The following MMP24 variants were observed in gnomAD, a reference collection of about 807,000 sequenced individuals.
MMP24 encodes matrix metalloproteinase-24.
A neutral mutation model predicts 62.8 loss-of-function variants in MMP24; 25 were observed. That is an observed-to-expected ratio of 0.40 (90% CI 0.29 to 0.56). The LOEUF (loss-of-function observed/expected upper bound fraction) is 0.56, where lower values mean the gene tolerates loss of function less well. Ranked by LOEUF, MMP24 falls within the 20% of genes least tolerant of loss-of-function variation. The pLI is 0.50. For missense variants in MMP24, 634 were observed against 853.6 expected (o/e 0.74, Z 3.21); for synonymous variants, 319 against 350.5 (o/e 0.91, Z 1.00).
chr20:35,226,982 C>T lies in MMP24; in HGVS notation c.244C>T (p.Gln82Ter). 1 of 980,082 alleles carries T rather than the reference C, an allele frequency of 1.0e-6. No homozygotes were observed. The highest frequency in any genetic ancestry group is 1.2e-6 in the Non-Finnish European group (1 of 827,964). The allele number at this position is 980,082 out of a possible 1,614,324, so 60.7% of individuals were successfully genotyped here. The change falls in exon 1 of 9, where the codon CAG (glutamine) becomes TAG (stop). Residue 82 changes from glutamine to a stop codon, truncating the protein, a stop_gained and splice_region_variant. Coordinates refer to ENST00000246186, the MANE Select transcript of MMP24 (RefSeq NM_006690.4). LOFTEE classifies it high-confidence loss of function. ...CGAGGCGGAGGCGCCCTTCGCCGGG[C>T]AGGTGGGGCTGGCGCGCGGGGCCGG... Reference protein sequence around the residue: ...ADEAEAPFAGQNWLKSYGYLL... With the variant: ...ADEAEAPFAG
Position 35,275,753 on chromosome 20 carries a change from C to T in MMP24, c.*1144C>T, listed in dbSNP as rs563272675. The T allele has an allele frequency of 1.7e-5, 6 of 348,842 alleles. No homozygotes were observed. The Admixed American group carries it at 1.9e-4, about 11-fold the overall frequency. 21.6% of individuals were successfully genotyped at this position (348,842 alleles called of 1,614,324 possible). A position where few individuals can be genotyped will look rare whatever the true frequency, so the allele number is the denominator to read the frequency against. ...CTACTCTGAGGCCGACTCAATCTCT[C>T]GGCTGGAAGCAGTGTTTTCCCAGAG... On this transcript the variant is annotated 3_prime_UTR_variant, in exon 9 of 9. Transcript: ENST00000246186.
At chr20:35,257,913 T>G (rs569010009) in intron 4 of MMP24, among the ~76,000 whole-genome samples, 2 of 152,350 alleles carry the variant, frequency 1.3e-5, no homozygotes, top group East Asian at 3.9e-4. Context: ...AAGGCAGGTT[T>G]TGGGTGAGAG....
At chr20:35,264,767 C>T (rs1197150355) in intron 5 of MMP24, among the ~76,000 whole-genome samples, 1 of 141,312 alleles carries the variant, frequency 7.1e-6, no homozygotes, top group Non-Finnish European at 1.5e-5. Flanking sequence ...TGAGAAGCTA[C>T]TGCTATCTAG....
At chr20:35,253,872 T>TC in intron 3 of MMP24, among the ~76,000 whole-genome samples, 1 of 150,236 alleles carries the variant, frequency 6.7e-6, no homozygotes, top group East Asian at 1.9e-4. Flanking sequence ...CTTTGGGTTT[T>TC]TTTTTTTTTT....
At chr20:35,252,068 C>A (rs112824956) in intron 3 of MMP24, 47 bp downstream of exon 3, 2 of 1,461,734 alleles carry the variant, frequency 1.4e-6, no homozygotes, top group African/African-American at 2.8e-5. Context: ...TCCACCCTCA[C>A]TCTGTTTTTC....
intron 1 of MMP24, among the ~76,000 whole-genome samples, chr20:35,243,717 A>G (rs1433813776): frequency 6.6e-6 from 1 of 152,220 alleles, no homozygotes; most frequent in Non-Finnish European, 1.5e-5. Context: ...AAGAGGAAGA[A>G]AATAACTTAG....
Position 35,263,783 on chromosome 20 carries a change from C to T in MMP24, c.818-8C>T. The T allele has an allele frequency of 6.5e-7, 1 of 1,538,416 alleles. No individual in the cohort carries two copies. The highest frequency in any genetic ancestry group is 8.8e-7 in the Non-Finnish European group (1 of 1,141,420). On this transcript the variant is annotated splice_polypyrimidine_tract_variant and splice_region_variant and intron_variant, in intron 4 of 8. Transcript: ENST00000246186. The stretch of plus-strand genomic sequence containing the variant: ...GCCCTGGGCACCTCCCCACACTCCT[C>T]TCCACAGGGAACGACCTCTTCCTGG...
chr20:35,265,207 C>T (rs1037860297), intron 5 of MMP24, among the ~76,000 whole-genome samples: 11 of 152,096 alleles, frequency 7.2e-5, no homozygotes, highest in African/African-American at 2.7e-4. Flanking sequence ...GGCTGGAGGC[C>T]GAGGCGGGCG....
chr20:35,274,551 A>G lies in MMP24; in HGVS notation c.1880A>G (p.Asn627Ser), dbSNP rs778731901. Residue 627 changes from asparagine (N) to serine (S), a missense_variant, in exon 9 of 9, where the codon AAC becomes AGC. By Grantham distance (46) the Asn-to-Ser change is conservative. Coordinates refer to ENST00000246186, the MANE Select transcript of MMP24 (RefSeq NM_006690.4). The surrounding 1 kb of genome is among the most constrained non-coding windows in gnomAD (Gnocchi z 5.1). ...VLVYTIFQFKNKTGPQPVTYY... is the reference protein window; with the variant it reads ...VLVYTIFQFKSKTGPQPVTYY... ...GTCTACACCATCTTCCAGTTCAAGA[A>G]CAAGACAGGCCCTCAGCCTGTCACC... The G allele has an allele frequency of 1.2e-6, 2 of 1,613,992 alleles. No homozygotes were observed. Among genetic ancestry groups the G allele is most frequent in the South Asian group, 2.2e-5 (2 of 91,086 alleles).
At chr20:35,236,699 T>C (rs2060465010) in intron 1 of MMP24, among the ~76,000 whole-genome samples, 1 of 151,990 alleles carries the variant, frequency 6.6e-6, no homozygotes, top group Non-Finnish European at 1.5e-5. Context: ...AAGGGCTGGG[T>C]GAGGTGGCTC....
At chr20:35,229,367 C>G (rs1322421528) in intron 1 of MMP24, among the ~76,000 whole-genome samples, 1 of 152,128 alleles carries the variant, frequency 6.6e-6, no homozygotes, top group Non-Finnish European at 1.5e-5. Context: ...TCTCTTGGGG[C>G]CCCCTGCACT....
intron 1 of MMP24, among the ~76,000 whole-genome samples, chr20:35,244,989 A>G (rs895898594): frequency 1.3e-5 from 2 of 152,026 alleles, no homozygotes; most frequent in African/African-American, 4.8e-5. Context: ...TTTCAGAAAC[A>G]TTTTCGAGAA....
chr20:35,243,836 T>C (rs1211754734), intron 1 of MMP24, among the ~76,000 whole-genome samples: 1 of 152,230 alleles, frequency 6.6e-6, no homozygotes, highest in Non-Finnish European at 1.5e-5. Flanking sequence ...GGAAAAAACA[T>C]GTATTAATAC....
At chr20:35,254,422 G>A (rs2060564288) in intron 3 of MMP24, 28 bp from the exon 4 acceptor site, 1 of 1,584,530 alleles carries the variant, frequency 6.3e-7, no homozygotes, top group Non-Finnish European at 8.6e-7. Context: ...CTCTGATCTT[G>A]CCTAATGATC....
chr20:35,276,090 C>G lies in MMP24; in HGVS notation c.*1481C>G. On this transcript the variant is annotated 3_prime_UTR_variant, in exon 9 of 9. Coordinates refer to ENST00000246186, the MANE Select transcript of MMP24 (RefSeq NM_006690.4). ...GCTGGCCGGGTCTCGGATGCCACCC[C>G]TGCTCACTGAGCCTGCATGGGCCTT... 1 of 398,768 alleles carries G rather than the reference C, an allele frequency of 2.5e-6. No homozygotes were observed. The highest frequency in any genetic ancestry group is 4.4e-6 in the Non-Finnish European group (1 of 226,162). 24.7% of individuals were successfully genotyped at this position (398,768 alleles called of 1,614,324 possible). A position where few individuals can be genotyped will look rare whatever the true frequency, so the allele number is the denominator to read the frequency against.
chr20:35,270,311 G>C (rs898857028), intron 7 of MMP24, among the ~76,000 whole-genome samples: 37 of 152,372 alleles, frequency 2.4e-4, no homozygotes, highest in African/African-American at 7.9e-4. Context: ...ACTCGGGCCA[G>C]ACCTCAGATG....
rs11335936 is a variant in MMP24 at position 35,261,795 on chromosome 20, C to CTTT, written c.818-1975_818-1973dup. Among the ~76,000 whole-genome samples the CTTT allele has an allele frequency of 4.5e-3, 397 of 88,988 alleles. 6 individuals carry two copies. Among genetic ancestry groups the CTTT allele is most frequent in the East Asian group, 0.018 (56 of 3,192 alleles). The allele number at this position is 88,988 out of a possible 152,430, so 58.4% of individuals were successfully genotyped here. A position where few individuals can be genotyped will look rare whatever the true frequency, so the allele number is the denominator to read the frequency against. On this transcript the variant is annotated intron_variant, in intron 4 of 8. Coordinates refer to ENST00000246186, the MANE Select transcript of MMP24 (RefSeq NM_006690.4). ...CTCCCTCCCTCCACCTCAGGGCATC[C>CTTT]TTTTTTTTTTTTTTTTTTTTTTTGA...
At chr20:35,234,942 A>C (rs996608108) in intron 1 of MMP24, among the ~76,000 whole-genome samples, 1 of 152,244 alleles carries the variant, frequency 6.6e-6, no homozygotes, top group Non-Finnish European at 1.5e-5. Flanking sequence ...GTGCATTGGC[A>C]TCACATTGTA....
rs376273351 is a variant in MMP24, at chr20:35,271,591, G to T, written c.1356G>T (p.Lys452Asn). The T allele has an allele frequency of 2.5e-5, 40 of 1,612,924 alleles. No individual in the cohort carries two copies. In the African/African-American group the frequency reaches 4.8e-4, roughly 19 times the overall value. The change falls in exon 8 of 9, where the codon AAG becomes AAT. Residue 452 changes from lysine (K) to asparagine (N), a missense_variant. Lys to Asn is a moderately conservative substitution (Grantham distance 94). This residue lies in a region of MMP24 where 399 missense variants were observed against 530.8 expected (regional missense o/e 0.75). Transcript: ENST00000246186. This position sits in a 1 kb window ranked among gnomAD's most constrained non-coding sequence, Gnocchi z 4.0. The stretch of plus-strand genomic sequence containing the variant: ...CAGGTGACAAGTATTGGGTGTTTAA[G>T]GAGGTGACGGTGGAGCCTGGGTACC... ...FFKGDKYWVF[K>N]EVTVEPGYPH...
Sources: allele counts gnomAD v4.1 joint callset (sites outside exome capture counted in the v4.1 genomes callset), GRCh38; gene constraint gnomAD v4.1.1; regional missense constraint gnomAD v4.1.1; non-coding constraint Gnocchi (gnomAD v3.1); transcripts MANE v1.5; gene names NCBI Gene and HGNC (gene_info 2026-07-23, HGNC 2026-07-21).